Variants in CROCC observed in about 807,000 individuals in gnomAD.
The protein encoded by CROCC is rootletin.
A neutral mutation model predicts 245.2 loss-of-function variants in CROCC; 180 were observed. That is an observed-to-expected ratio of 0.73 (90% CI 0.65 to 0.83). The LOEUF is 0.83. Ranked by LOEUF, CROCC falls within the 40% of genes least tolerant of loss-of-function variation. The pLI, the probability that CROCC is intolerant of heterozygous loss-of-function variation, is 0.00. For synonymous variants in CROCC, 1,205 were observed against 1,241.6 expected, an observed-to-expected ratio of 0.97 and a Z score of 0.62; for missense variants, 2,688 against 2,779.4, an observed-to-expected ratio of 0.97 and a Z score of 0.74.
chr1:16,955,270 G>A (rs748389213), intron 23 of CROCC, 42 bp from the exon 24 acceptor site: 1 of 1,584,388 alleles, frequency 6.3e-7, no homozygotes, highest in Non-Finnish European at 8.6e-7. Flanking sequence ...TTGACGGGGG[G>A]GTCCCTGACC....
rs576521358 is a variant in CROCC at position 16,922,004 on chromosome 1, C to T, written c.-15C>T. 311 of 1,548,918 alleles carry T rather than the reference C, an allele frequency of 2.0e-4. No homozygotes were observed. The highest frequency in any genetic ancestry group is 2.5e-4 in the Non-Finnish European group (281 of 1,144,966). On this transcript the variant is annotated 5_prime_UTR_variant, in exon 1 of 37. Coordinates refer to ENST00000375541, the MANE Select transcript of CROCC (RefSeq NM_014675.5). ...TGGAGAAGGGGGCTGGAGGCATGCCCACAGCCTCCCCCCCATGAGCTTGGG... is the reference window on the plus strand; with the variant it reads ...TGGAGAAGGGGGCTGGAGGCATGCCTACAGCCTCCCCCCCATGAGCTTGGG...
upstream of CROCC, among the ~76,000 whole-genome samples, chr1:16,918,450 G>T (rs1431317651): frequency 1.3e-5 from 2 of 152,244 alleles, no homozygotes; most frequent in Non-Finnish European, 2.9e-5. Context: ...GTCACCTGGT[G>T]CCAGGGGCTG....
intron 25 of CROCC, among the ~76,000 whole-genome samples, chr1:16,957,060 C>G (rs183726251): frequency 6.3e-4 from 96 of 152,282 alleles, no homozygotes; most frequent in Non-Finnish European, 1.3e-3. Flanking sequence ...TTGCTTGAGC[C>G]CAGGAGTTCG....
At position 16,966,472 on chromosome 1, in the gene CROCC, T is replaced by A. The variant is rs1036150397; in HGVS notation, c.4761T>A (p.Ser1587Arg). 6.5e-7 allele frequency: 1 copy of A among 1,535,172 alleles called. No homozygotes were observed. Among genetic ancestry groups the A allele is most frequent in the South Asian group, 1.2e-5 (1 of 83,738 alleles). Reference protein sequence around the residue: ...VQAELALQEESVRRSERERRA... With the variant: ...VQAELALQEERVRRSERERRA... ...CGGAGCTGGCGCTGCAGGAGGAGAGTGTGCGGCGCAGTGAGCGGGAGCGCC... is the reference window on the plus strand; with the variant it reads ...CGGAGCTGGCGCTGCAGGAGGAGAGAGTGCGGCGCAGTGAGCGGGAGCGCC... The change falls in exon 30 of 37, where the codon AGT (serine) becomes AGA (arginine). Residue 1587 changes from serine to arginine, a missense_variant. Ser to Arg is a moderately radical substitution (Grantham distance 110, BLOSUM62 -1). This residue lies in a region of CROCC where 1,218 missense variants were observed against 1,286.3 expected (regional missense o/e 0.95). Coordinates refer to ENST00000375541, the MANE Select transcript of CROCC (RefSeq NM_014675.5). This position sits in a 1 kb window ranked among gnomAD's most constrained non-coding sequence, Gnocchi z 4.8.
At chr1:16,932,237 A>G (rs1264288301) in intron 8 of CROCC, among the ~76,000 whole-genome samples, 1 of 152,246 alleles carries the variant, frequency 6.6e-6, no homozygotes, top group Non-Finnish European at 1.5e-5. Flanking sequence ...TGAGGTTAGG[A>G]GTTCAAGACC....
At chr1:16,934,546 A>G (rs1287815284) in intron 8 of CROCC, among the ~76,000 whole-genome samples, 2 of 152,222 alleles carry the variant, frequency 1.3e-5, no homozygotes, top group Non-Finnish European at 2.9e-5. Flanking sequence ...AAAGCAGTGC[A>G]CCTGCCTTGG....
intron 7 of CROCC, 134 bp from the exon 8 acceptor site, chr1:16,931,157 C>T (rs1260722960): frequency 1.4e-6 from 1 of 740,212 alleles, no homozygotes; most frequent in Non-Finnish European, 2.3e-6. Flanking sequence ...CAACACAGCT[C>T]TGTGCACAGA....
intron 13 of CROCC, among the ~76,000 whole-genome samples, 183 bp from the exon 14 acceptor site, chr1:16,943,917 C>G (rs1404661936): frequency 6.6e-5 from 10 of 152,276 alleles, no homozygotes; most frequent in Non-Finnish European, 8.8e-5. Context: ...AAGCCAGGTT[C>G]TTCTGCTGGA....
At position 16,924,340 on chromosome 1, in the gene CROCC, C is replaced by G. The variant is rs748738913; in HGVS notation, c.212C>G (p.Thr71Arg). 6.2e-7 allele frequency: 1 copy of G among 1,612,682 alleles called. No homozygotes were observed. The highest frequency in any genetic ancestry group is 8.5e-7 in the Non-Finnish European group (1 of 1,179,674). ...QPESPVLLPA[T>R]EMASLLSLQE... The stretch of plus-strand genomic sequence containing the variant: ...CCCTTGCCAGTCCTGCTGCCGGCCA[C>G]AGAGATGGCATCGCTGCTGTCGCTG... The change falls in exon 3 of 37, where the codon ACA becomes AGA. Residue 71 changes from threonine (T) to arginine (R), a missense_variant. Around this residue, in one of 9 missense-constraint regions of CROCC, gnomAD observed 972 missense variants for 895.3 expected, o/e 1.09. Coordinates refer to ENST00000375541, the MANE Select transcript of CROCC (RefSeq NM_014675.5).
chr1:16,969,947 G>C lies in CROCC; in HGVS notation c.5451+13G>C. 6.4e-7 allele frequency: 1 copy of C among 1,574,176 alleles called. No individual in the cohort carries two copies. Among genetic ancestry groups the C allele is most frequent in the Non-Finnish European group, 8.6e-7 (1 of 1,159,526 alleles). On this transcript the variant is annotated intron_variant, in intron 33 of 36. Transcript: ENST00000375541. ...ACAGCTACGGGAGGTGAGGGCCAGG[G>C]TGTGCCCCCTCTGTCCCCAAGACTG...
In CROCC at chr1:16,969,323, G is replaced by A. The variant is rs1470287761; in HGVS notation, c.5284G>A (p.Asp1762Asn). The change falls in exon 32 of 37, where the codon GAC becomes AAC. Residue 1762 changes from aspartate to asparagine, a missense_variant. Physicochemically the swap from Asp to Asn is conservative, Grantham distance 23 (BLOSUM62 1). This residue lies in a region of CROCC where 1,218 missense variants were observed against 1,286.3 expected (regional missense o/e 0.95). Transcript: ENST00000375541. The stretch of plus-strand genomic sequence containing the variant: ...GAAGGCTCTGACCGCCTGTGAACAT[G>A]ACCGCCAAGTACTCCAGGTCTCGGG... ...LQKALTACEH[D>N]RQVLQERLDA... 2 of 1,611,622 alleles carry A rather than the reference G, an allele frequency of 1.2e-6. No individual in the cohort carries two copies. Among genetic ancestry groups the A allele is most frequent in the Non-Finnish European group, 1.7e-6 (2 of 1,179,662 alleles).
In CROCC at chr1:16,944,210, G is replaced by A. The variant is rs373111310; in HGVS notation, c.1919G>A (p.Arg640Gln). The A allele has an allele frequency of 2.5e-5, 39 of 1,555,058 alleles. No homozygotes were observed. Among genetic ancestry groups the A allele is most frequent in the East Asian group, 1.7e-4 (7 of 41,662 alleles). The change falls in exon 14 of 37, where the codon CGG becomes CAG. Residue 640 changes from arginine to glutamine, a missense_variant. By Grantham distance (43) the Arg-to-Gln change is conservative. Coordinates refer to ENST00000375541, the MANE Select transcript of CROCC (RefSeq NM_014675.5). ...GCCCAGGAGGAGCTGCGGCGCCAGC[G>A]GGACCGGCTGGAGGAAGAGCAGGAG... ...QAAQEELRRQRDRLEEEQEDA... is the reference protein window; with the variant it reads ...QAAQEELRRQQDRLEEEQEDA...
rs984444214 is a variant in CROCC at position 16,922,048 on chromosome 1, G to C, written c.30G>C (p.Glu10Asp). 40 of 1,550,770 alleles carry C rather than the reference G, an allele frequency of 2.6e-5. No individual in the cohort carries two copies. Among genetic ancestry groups the C allele is most frequent in the Non-Finnish European group, 3.4e-5 (39 of 1,146,822 alleles). ...GCTTGGGGCTGGCGGGGGCACAGGA[G>C]GTGGAGCTGACACTAGAGACGGTTA... is the stretch of plus-strand genomic sequence containing the variant. MSLGLAGAQ[E>D]VELTLETVIQ... The change falls in exon 1 of 37, where the codon GAG becomes GAC. Residue 10 changes from glutamate to aspartate, a missense_variant. Around this residue, in one of 9 missense-constraint regions of CROCC, gnomAD observed 972 missense variants for 895.3 expected, o/e 1.09. Transcript: ENST00000375541.
At chr1:16,922,627 C>G in intron 1 of CROCC, 36 bp from the exon 2 acceptor site, 1 of 1,566,218 alleles carries the variant, frequency 6.4e-7, no homozygotes, top group Non-Finnish European at 8.7e-7. Flanking sequence ...GCCCCGGGTC[C>G]CATGTCCCCT....
rs757341913 is a variant in CROCC, at chr1:16,945,543, C to T, written c.2073C>T (p.Arg691=). 54 of 1,612,002 alleles carry T rather than the reference C, an allele frequency of 3.3e-5. No homozygotes were observed. Among genetic ancestry groups the T allele is most frequent in the African/African-American group, 2.5e-4 (19 of 74,892 alleles). ...ELVEVREALS[R]ATLQRDMLQA... ...TGGAGGTGAGGGAGGCGCTGAGCCG[C>T]GCCACACTGCAACGGGACATGCTGC... Residue 691 remains arginine (R), a synonymous_variant, in exon 15 of 37, where the codon CGC becomes CGT. Coordinates refer to ENST00000375541, the MANE Select transcript of CROCC (RefSeq NM_014675.5).
At chr1:16,941,717 G>T (rs866406346) in intron 13 of CROCC, among the ~76,000 whole-genome samples, 3 of 149,428 alleles carry the variant, frequency 2.0e-5, no homozygotes, top group African/African-American at 7.4e-5. Flanking sequence ...GAGCGACAGA[G>T]CAAGACTCCG....
intron 17 of CROCC, among the ~76,000 whole-genome samples, chr1:16,947,199 A>C (rs3983221): frequency 6.6e-6 from 1 of 152,118 alleles, no homozygotes; most frequent in African/African-American, 2.4e-5. Flanking sequence ...GGGGCCAGCC[A>C]GGCGCAGTGG....
chr1:16,961,014 A>G lies in CROCC; in HGVS notation c.4289A>G (p.Glu1430Gly). 2 of 1,303,196 alleles carry G rather than the reference A, an allele frequency of 1.5e-6. No homozygotes were observed. The highest frequency in any genetic ancestry group is 1.9e-6 in the Non-Finnish European group (2 of 1,032,684). The allele number at this position is 1,303,196 out of a possible 1,614,324, so 80.7% of individuals were successfully genotyped here. ...GTGGAGGTGCAGCGGCGCGCGGCGG[A>G]GGCCCAGCTGGGTGGCCTGCGCTCG... ...ARVEVQRRAA[E>G]AQLGGLRSAL... The change falls in exon 27 of 37, where the codon GAG (glutamate) becomes GGG (glycine). Residue 1430 changes from glutamate to glycine, a missense_variant. This residue lies in a region of CROCC where 1,218 missense variants were observed against 1,286.3 expected (regional missense o/e 0.95). Coordinates refer to ENST00000375541, the MANE Select transcript of CROCC (RefSeq NM_014675.5).
At chr1:16,927,454 A>T (rs1476389379) in intron 3 of CROCC, among the ~76,000 whole-genome samples, 1 of 152,208 alleles carries the variant, frequency 6.6e-6, no homozygotes, top group South Asian at 2.1e-4. Flanking sequence ...ACCCACCCAC[A>T]TGCGGTTGTA....
Sources: allele counts gnomAD v4.1 joint callset (sites outside exome capture counted in the v4.1 genomes callset), GRCh38; gene constraint gnomAD v4.1.1; regional missense constraint gnomAD v4.1.1; non-coding constraint Gnocchi (gnomAD v3.1); transcripts MANE v1.5; gene names NCBI Gene and HGNC (gene_info 2026-07-23, HGNC 2026-07-21).